LOC128462377: variants seen among roughly 807,000 people sequenced by gnomAD.
chr16:89,399,338 A>G, the LOC128462377 span, among the ~76,000 whole-genome samples: 2 of 152,178 alleles, frequency 1.3e-5, no homozygotes, highest in African/African-American at 4.8e-5. Context: ...AGACAACAGA[A>G]TATTACCAGG....
chr16:89,368,249 G>A, the LOC128462377 span, among the ~76,000 whole-genome samples: 1 of 151,156 alleles, frequency 6.6e-6, no homozygotes, highest in African/African-American at 2.4e-5. Flanking sequence ...AGGCCAGACT[G>A]CAGTGGCACA....
chr16:89,376,232 T>TTA, the LOC128462377 span, among the ~76,000 whole-genome samples: 1 of 152,092 alleles, frequency 6.6e-6, no homozygotes, highest in African/African-American at 2.4e-5. Context: ...AGTGAAGCCA[T>TTA]TATACAACAA....
At chr16:89,406,009 C>T in the LOC128462377 span, among the ~76,000 whole-genome samples, 2 of 150,876 alleles carry the variant, frequency 1.3e-5, no homozygotes, top group Admixed American at 1.3e-4. Context: ...ACTCAGGAGG[C>T]TGAGGTGGGA....
At chr16:89,353,471 G>A in the LOC128462377 span, among the ~76,000 whole-genome samples, 1 of 152,024 alleles carries the variant, frequency 6.6e-6, no homozygotes, top group Non-Finnish European at 1.5e-5. Flanking sequence ...CAACTACAAG[G>A]AACTGGTCAC....
the LOC128462377 span, among the ~76,000 whole-genome samples, chr16:89,400,972 GCTGC>G: frequency 6.6e-6 from 1 of 152,170 alleles, no homozygotes; most frequent in South Asian, 2.1e-4. Flanking sequence ...CTGCCCCGGG[GCTGC>G]CTGGCATGGC....
chr16:89,341,170 C>T, the LOC128462377 span, among the ~76,000 whole-genome samples: 11 of 152,218 alleles, frequency 7.2e-5, no homozygotes, highest in African/African-American at 2.7e-4. Context: ...ACCCACAGCT[C>T]TGTTTCTAAG....
chr16:89,399,786 G>C, the LOC128462377 span, among the ~76,000 whole-genome samples: 1 of 131,736 alleles, frequency 7.6e-6, no homozygotes, highest in African/African-American at 3.0e-5. Context: ...TGAACCTAAA[G>C]CTAATATAAA....
the LOC128462377 span, among the ~76,000 whole-genome samples, chr16:89,341,781 G>A: frequency 1.1e-4 from 16 of 152,374 alleles, no homozygotes; most frequent in East Asian, 2.9e-3. Flanking sequence ...ACAAAAAGTG[G>A]CCAAGAGATG....
chr16:89,366,494 T>C, the LOC128462377 span, among the ~76,000 whole-genome samples: 4 of 152,228 alleles, frequency 2.6e-5, no homozygotes, highest in Non-Finnish European at 5.9e-5. Context: ...GCATCTGTTA[T>C]TTTTTAACCT....
the LOC128462377 span, chr16:89,324,133 C>A: frequency 1.1e-6 from 1 of 871,554 alleles, no homozygotes; most frequent in Non-Finnish European, 1.5e-6. Context: ...GCACAACGCT[C>A]TCTACTGCAG....
At chr16:89,357,506 G>C in the LOC128462377 span, among the ~76,000 whole-genome samples, 2 of 152,196 alleles carry the variant, frequency 1.3e-5, no homozygotes, top group South Asian at 4.1e-4. Flanking sequence ...TGATCCAGCA[G>C]TTCCCCTTCT....
At chr16:89,339,455 GAGCCCATCCTGCCCTGAGTGCACGC>G in the LOC128462377 span, among the ~76,000 whole-genome samples, 4,103 of 152,278 alleles carry the variant, frequency 0.027, 98 homozygotes, top group East Asian at 0.11. Context: ...ATGGTCCGAG[GAGCCCATCCTGCCCTGAGTGCACGC>G]AGCGCATGTG....
At chr16:89,371,128 G>T in the LOC128462377 span, among the ~76,000 whole-genome samples, 1 of 152,170 alleles carries the variant, frequency 6.6e-6, no homozygotes. Context: ...AAGACGGGAC[G>T]AGCGTCTTGA....
the LOC128462377 span, among the ~76,000 whole-genome samples, chr16:89,358,249 C>T: frequency 6.6e-6 from 1 of 152,258 alleles, no homozygotes; most frequent in African/African-American, 2.4e-5. Context: ...CCGCATGGAG[C>T]TGTGCCGGCT....
the LOC128462377 span, among the ~76,000 whole-genome samples, chr16:89,414,522 T>C: frequency 6.6e-6 from 1 of 152,204 alleles, no homozygotes; most frequent in Non-Finnish European, 1.5e-5. Flanking sequence ...CAAACTAAAA[T>C]TGTTTTAAAG....
the LOC128462377 span, among the ~76,000 whole-genome samples, chr16:89,395,416 G>T: frequency 4.6e-5 from 7 of 152,372 alleles, no homozygotes; most frequent in South Asian, 6.2e-4. Context: ...GGCATGCAAA[G>T]ATCAAAGAGA....
the LOC128462377 span, among the ~76,000 whole-genome samples, chr16:89,385,984 C>T: frequency 2.0e-3 from 309 of 152,352 alleles, no homozygotes; most frequent in Middle Eastern, 3.4e-3. Flanking sequence ...TGGCTCAAGC[C>T]GGCCTCCCGC....
chr16:89,347,096 C>A, the LOC128462377 span, among the ~76,000 whole-genome samples: 1 of 151,980 alleles, frequency 6.6e-6, no homozygotes, highest in African/African-American at 2.4e-5. Flanking sequence ...ATGGGCTGGG[C>A]TCCTAGGCCC....
chr16:89,318,768 A>G, the LOC128462377 span, among the ~76,000 whole-genome samples: 1 of 152,230 alleles, frequency 6.6e-6, no homozygotes, highest in Non-Finnish European at 1.5e-5. Context: ...TAACTGGTAC[A>G]AGAACACAGG....
Sources: gnomAD v4.1 joint callset for allele counts (sites outside exome capture counted in the v4.1 genomes callset) on GRCh38, gnomAD v4.1.1 for gene constraint, MANE v1.5 for transcripts.